The following ADAM32 variants were observed in gnomAD, a reference collection of about 807,000 sequenced individuals.
ADAM32 encodes the protein ADAM metallopeptidase domain 32.
A neutral mutation model predicts 114.9 loss-of-function variants in ADAM32; 89 were observed. The observed-to-expected ratio is 0.77, with a 90% confidence interval of 0.65 to 0.92. ADAM32 has a LOEUF of 0.92. Ranked by LOEUF, ADAM32 falls within the 40% of genes least tolerant of loss-of-function variation. The pLI, the probability that ADAM32 is intolerant of heterozygous loss-of-function variation, is 0.00. For synonymous variants in ADAM32, 285 were observed against 307.5 expected, an observed-to-expected ratio of 0.93 and a Z score of 0.77; for missense variants, 870 against 932.8, an observed-to-expected ratio of 0.93 and a Z score of 0.88.
upstream of ADAM32, chr8:39,107,722 C>T: frequency 6.5e-7 from 1 of 1,549,916 alleles, no homozygotes; most frequent in Non-Finnish European, 8.7e-7. Context: ...CCCCGCGTCC[C>T]TGGCAATTCC....
intron 2 of ADAM32, among the ~76,000 whole-genome samples, chr8:39,135,394 C>T (rs1391723653): frequency 2.6e-5 from 4 of 152,090 alleles, no homozygotes. Context: ...TAAAAATAAA[C>T]TTCTGAAAAT....
intron 12 of ADAM32, among the ~76,000 whole-genome samples, chr8:39,217,257 T>A (rs1808641636): frequency 7.9e-5 from 12 of 152,086 alleles, no homozygotes; most frequent in Admixed American, 7.9e-4. Flanking sequence ...CATTGTATAT[T>A]ATTTGTTCCT....
chr8:39,270,788 A>C, intron 19 of ADAM32, 88 bp from the exon 20 acceptor site: 2 of 998,880 alleles, frequency 2.0e-6, no homozygotes, highest in Non-Finnish European at 3.1e-6. Flanking sequence ...TAAGGAGATA[A>C]TACTGATTAT....
chr8:39,224,002 T>G (rs552724109), intron 14 of ADAM32: 20 of 152,294 alleles, frequency 1.3e-4, no homozygotes, highest in African/African-American at 4.8e-4. Context: ...TGAATAATAT[T>G]GCATTTTGTG....
At chr8:39,247,880 G>A (rs1169154868) in intron 17 of ADAM32, among the ~76,000 whole-genome samples, 1 of 150,456 alleles carries the variant, frequency 6.6e-6, no homozygotes, top group African/African-American at 2.5e-5. Flanking sequence ...AGGGTGATAA[G>A]TTTGTGTCTA....
At chr8:39,221,773 C>T in intron 13 of ADAM32, 71 bp downstream of exon 13, 1 of 957,982 alleles carries the variant, frequency 1.0e-6, no homozygotes, top group Non-Finnish European at 1.5e-6. Flanking sequence ...ACAACACAGA[C>T]CTACAGCTGT....
intron 11 of ADAM32, among the ~76,000 whole-genome samples, chr8:39,194,623 G>A (rs1299004885): frequency 3.3e-5 from 5 of 152,100 alleles, no homozygotes; most frequent in Non-Finnish European, 7.4e-5. Context: ...GAGCTATGAT[G>A]CAGGTCCCTA....
intron 17 of ADAM32, among the ~76,000 whole-genome samples, chr8:39,248,988 T>C (rs867569094): frequency 3.3e-5 from 5 of 151,414 alleles, no homozygotes; most frequent in Non-Finnish European, 7.4e-5. Flanking sequence ...CTGCAAGCTC[T>C]GCCTCCCAGG....
intron 16 of ADAM32, among the ~76,000 whole-genome samples, chr8:39,240,860 A>G (rs1390447025): frequency 6.6e-6 from 1 of 152,178 alleles, no homozygotes. Flanking sequence ...TCATGTCCTC[A>G]CATTTCAAAA....
intron 5 of ADAM32, 149 bp from the exon 6 acceptor site, chr8:39,151,228 T>A (rs535095738): frequency 1.6e-6 from 1 of 619,634 alleles, no homozygotes; most frequent in South Asian, 3.0e-5. Flanking sequence ...TTGGGAAATC[T>A]TTTGTCTCTT....
intron 3 of ADAM32, 110 bp downstream of exon 3, chr8:39,136,828 T>A: frequency 2.6e-6 from 2 of 756,334 alleles, no homozygotes; most frequent in East Asian, 6.4e-5. Flanking sequence ...ACTTTTTTAA[T>A]TGTCTTAAGT....
chr8:39,240,395 C>T (rs1276748954), intron 16 of ADAM32, among the ~76,000 whole-genome samples: 1 of 152,046 alleles, frequency 6.6e-6, no homozygotes, highest in East Asian at 1.9e-4. Flanking sequence ...GTGACACAAC[C>T]CATCCAATCC....
intron 12 of ADAM32, among the ~76,000 whole-genome samples, chr8:39,215,486 T>C (rs1808497592): frequency 1.3e-5 from 2 of 151,978 alleles, no homozygotes. Context: ...TGTTACCATA[T>C]AGAAATGTTT....
intron 19 of ADAM32, among the ~76,000 whole-genome samples, chr8:39,266,946 T>C (rs12682638): frequency 0.22 from 32,825 of 152,170 alleles, 3,721 homozygotes; most frequent in East Asian, 0.29. Flanking sequence ...TCCTGGGGTA[T>C]GTGCTCTATC....
At chr8:39,162,256 C>T (rs1383466322) in intron 7 of ADAM32, among the ~76,000 whole-genome samples, 12 of 147,248 alleles carry the variant, frequency 8.1e-5, no homozygotes, top group Non-Finnish European at 1.0e-4. Context: ...TGAGAACATG[C>T]GGTGTTTGGT....
At chr8:39,170,535 C>G (rs1352459121) in intron 10 of ADAM32, among the ~76,000 whole-genome samples, 1 of 151,868 alleles carries the variant, frequency 6.6e-6, no homozygotes, top group Non-Finnish European at 1.5e-5. Context: ...GCCATTTTCT[C>G]ACCCTACTCA....
At chr8:39,273,949 G>T (rs750106573) in intron 20 of ADAM32, among the ~76,000 whole-genome samples, 2 of 152,138 alleles carry the variant, frequency 1.3e-5, no homozygotes, top group Admixed American at 1.3e-4. Flanking sequence ...AAAGCCAAAA[G>T]TTGGGGTATG....
chr8:39,212,615 A>G (rs1003786105), intron 12 of ADAM32, among the ~76,000 whole-genome samples: 1 of 152,080 alleles, frequency 6.6e-6, no homozygotes, highest in African/African-American at 2.4e-5. Flanking sequence ...AGTGTTTTTG[A>G]GATTCATCCA....
At chr8:39,261,635 G>A (rs149190573) in intron 19 of ADAM32, among the ~76,000 whole-genome samples, 3 of 152,076 alleles carry the variant, frequency 2.0e-5, no homozygotes, top group African/African-American at 4.8e-5. Flanking sequence ...CTGCCCTGCT[G>A]TTCTCCATAG....
Sources: gnomAD v4.1 joint callset for allele counts (sites outside exome capture counted in the v4.1 genomes callset) on GRCh38, gnomAD v4.1.1 for gene constraint, MANE v1.5 for transcripts, NCBI Gene and HGNC (gene_info 2026-07-23, HGNC 2026-07-21) for gene names.